Variants in SIGLEC1 observed in about 807,000 individuals in gnomAD.
The protein encoded by SIGLEC1 is sialic acid binding Ig like lectin 1, also known as sialoadhesin.
Under a neutral mutation model 148.0 loss-of-function variants are expected in SIGLEC1, and 132 were observed. That is an observed-to-expected ratio of 0.89 (90% CI 0.77 to 1.03). SIGLEC1 has a LOEUF of 1.03. SIGLEC1 is among the 50% of genes least tolerant of loss of function. The pLI is 0.00. For synonymous variants in SIGLEC1, 945 were observed against 969.0 expected (o/e 0.98, Z 0.46); for missense variants, 2,253 against 2,271.4 (o/e 0.99, Z 0.16).
chr20:3,705,245 C>T (rs1444753687), intron 4 of SIGLEC1, among the ~76,000 whole-genome samples: 10 of 152,308 alleles, frequency 6.6e-5, no homozygotes, highest in Admixed American at 5.2e-4. Flanking sequence ...GATCCACCCG[C>T]CTCAGCCTCC....
In SIGLEC1 at chr20:3,693,613, C is replaced by T. The variant is rs769459794; in HGVS notation, c.3342G>A (p.Pro1114=). Residue 1114 remains proline (P), a synonymous_variant, in exon 14 of 22, where the codon CCG becomes CCA. Coordinates refer to ENST00000344754, the MANE Select transcript of SIGLEC1 (RefSeq NM_023068.4). ...NLTCLVWTTH[P]AQLTYTWYQD... ...GGTACCATGTGTAGGTGAGCTGGGC[C>T]GGGTGAGTGGTCCACACAAGGCAGG... 1.7e-5 allele frequency: 28 copies of T among 1,612,658 alleles called. No individual in the cohort carries two copies. Among genetic ancestry groups the T allele is most frequent in the Admixed American group, 5.0e-5 (3 of 59,960 alleles).
chr20:3,694,281 T>G lies in SIGLEC1; in HGVS notation c.3196A>C (p.Ile1066Leu). The change falls in exon 13 of 22, where the codon ATC becomes CTC. Residue 1066 changes from isoleucine to leucine, a missense_variant. Ile to Leu is a conservative substitution (Grantham distance 5). Coordinates refer to ENST00000344754, the MANE Select transcript of SIGLEC1 (RefSeq NM_023068.4). Reference protein sequence around the residue: ...GAMLEDEGVYICEASNTLGQA... With the variant: ...GAMLEDEGVYLCEASNTLGQA... Reference sequence around the variant, plus strand: ...CCCAGGGTGTTGGAGGCCTCACAGATATAGACACCCTCATCCTCCAGCATA... The same window carrying G: ...CCCAGGGTGTTGGAGGCCTCACAGAGATAGACACCCTCATCCTCCAGCATA... The G allele has an allele frequency of 6.2e-7, 1 of 1,612,616 alleles. No individual in the cohort carries two copies.
At position 3,710,644 on chromosome 20, in the gene SIGLEC1, G is replaced by A. The variant is rs891166537; in HGVS notation, c.-110+1826C>T. ...CTGGCCACAGGGGATGTCAGGGTCA[G>A]CTCTGCTATGGCCAGGGCAGCTATC... is the stretch of plus-strand genomic sequence containing the variant. On this transcript the variant is annotated intron_variant, in intron 1 of 21. Coordinates refer to ENST00000344754, the MANE Select transcript of SIGLEC1 (RefSeq NM_023068.4). This position sits in a 1 kb window ranked among gnomAD's most constrained non-coding sequence, Gnocchi z 4.6. Among the ~76,000 whole-genome samples the A allele has an allele frequency of 1.7e-4, 26 of 152,286 alleles. No homozygotes were observed. The highest frequency in any genetic ancestry group is 5.8e-4 in the African/African-American group (24 of 41,570).
rs146622004 is a variant in SIGLEC1, at chr20:3,698,022, C to T, written c.1898G>A (p.Arg633Lys). Reference sequence around the variant, plus strand: ...ACGGTCCTTGTGGAGCAGCTGCAGCCTGGCGGGGGGGTCGCTGTCCACACG... The same window carrying T: ...ACGGTCCTTGTGGAGCAGCTGCAGCTTGGCGGGGGGGTCGCTGTCCACACG... ...LCRVDSDPPA[R>K]LQLLHKDRVV... The change falls in exon 9 of 22, where the codon AGG (arginine) becomes AAG (lysine). Residue 633 changes from arginine to lysine, a missense_variant. Physicochemically the swap from Arg to Lys is conservative, Grantham distance 26. Transcript: ENST00000344754. The T allele has an allele frequency of 5.7e-5, 91 of 1,609,386 alleles. No homozygotes were observed. In the African/African-American group the frequency reaches 1.2e-3, roughly 21 times the overall value.
intron 16 of SIGLEC1, 90 bp downstream of exon 16, chr20:3,692,431 C>CT: frequency 7.0e-7 from 1 of 1,420,520 alleles, no homozygotes; most frequent in Non-Finnish European, 9.3e-7. Flanking sequence ...CCTGGGCCCA[C>CT]TGCAGTCCTT....
chr20:3,693,551 G>T lies in SIGLEC1; in HGVS notation c.3404C>A (p.Pro1135His). 1 of 1,612,666 alleles carries T rather than the reference G, an allele frequency of 6.2e-7. No individual in the cohort carries two copies. The highest frequency in any genetic ancestry group is 8.5e-7 in the Non-Finnish European group (1 of 1,179,560). ...ATCCCTGACTGTGACGTTGGGCAGG[G>T]GGATGGAGTGGGCATCCAGGCGCTG... ...GQQRLDAHSI[P>H]LPNVTVRDAT... is the part of the protein sequence containing the mutation. Residue 1135 changes from proline (P) to histidine (H), a missense_variant, in exon 14 of 22, where the codon CCC becomes CAC. By Grantham distance (77) the Pro-to-His change is moderately conservative. Coordinates refer to ENST00000344754, the MANE Select transcript of SIGLEC1 (RefSeq NM_023068.4).
chr20:3,689,973 AAGTAGGTGGAGGT>A lies in SIGLEC1; in HGVS notation c.4870_4882del (p.Thr1624LeufsTer99). On this transcript the variant is annotated frameshift_variant, in exon 19 of 22. Coordinates refer to ENST00000344754, the MANE Select transcript of SIGLEC1 (RefSeq NM_023068.4). LOFTEE classifies it high-confidence loss of function. The stretch of plus-strand genomic sequence containing the variant: ...CCCCCTCCCCTCACCTCTGACCCCA[AAGTAGGTGGAGGT>A]AGAGGCAGAGCCCAGGACATTTGAG... 6.2e-7 allele frequency: 1 copy of A among 1,612,246 alleles called. No homozygotes were observed. The highest frequency in any genetic ancestry group is 8.5e-7 in the Non-Finnish European group (1 of 1,179,380).
At position 3,693,446 on chromosome 20, in the gene SIGLEC1, C is replaced by T; in HGVS notation, c.3508+1G>A. 1 of 1,566,078 alleles carries T rather than the reference C, an allele frequency of 6.4e-7. No individual in the cohort carries two copies. The highest frequency in any genetic ancestry group is 1.2e-5 in the South Asian group (1 of 84,010). ...CCCACCCTGCATCCAGCCAGACTCA[C>T]AGAGGACGTCCAAGGTGATAGGTCT... is the stretch of plus-strand genomic sequence containing the variant. On this transcript the variant is annotated splice_donor_variant, in intron 14 of 21. Transcript: ENST00000344754. LOFTEE classifies it high-confidence loss of function.
chr20:3,692,099 G>A lies in SIGLEC1; in HGVS notation c.4134C>T (p.Ala1378=), dbSNP rs34921899. Residue 1378 remains alanine, a synonymous_variant, in exon 17 of 22, where the codon GCC becomes GCT. Coordinates refer to ENST00000344754, the MANE Select transcript of SIGLEC1 (RefSeq NM_023068.4). ...TVDSEPPAEL[A]LSHDGKVLAT... ...CCAGCACCTTGCCATCATGAGATAG[G>A]GCCAGCTCAGCAGGTGGCTCACTGT... is the stretch of plus-strand genomic sequence containing the variant. The A allele has an allele frequency of 2.9e-3, 4,742 of 1,608,418 alleles. 125 individuals are homozygous for A. The African/African-American group carries it at 0.055, about 19-fold the overall frequency.
intron 19 of SIGLEC1, 126 bp downstream of exon 19, chr20:3,689,836 G>A: frequency 8.6e-7 from 1 of 1,167,852 alleles, no homozygotes; most frequent in Non-Finnish European, 1.2e-6. Flanking sequence ...GGTGCCCCGA[G>A]CAATCAGTTT....
At chr20:3,689,273 T>C in intron 20 of SIGLEC1, 46 bp from the exon 21 acceptor site, 1 of 1,519,772 alleles carries the variant, frequency 6.6e-7, no homozygotes, top group South Asian at 1.1e-5. Context: ...CCTCCCCACC[T>C]CCTGCCCCCA....
At chr20:3,691,036 G>A (rs955728412) in intron 18 of SIGLEC1, among the ~76,000 whole-genome samples, 11 of 151,958 alleles carry the variant, frequency 7.2e-5, no homozygotes, top group African/African-American at 2.7e-4. Context: ...TCGCCATATT[G>A]ACCAGGCTAG....
Position 3,693,636 on chromosome 20 carries a change from A to T in SIGLEC1, c.3319T>A (p.Cys1107Ser). 1 of 1,611,388 alleles carries T rather than the reference A, an allele frequency of 6.2e-7. No homozygotes were observed. The highest frequency in any genetic ancestry group is 8.5e-7 in the Non-Finnish European group (1 of 1,178,836). Residue 1107 changes from cysteine (C) to serine (S), a missense_variant, in exon 14 of 22, where the codon TGC becomes AGC. Transcript: ENST00000344754. ...VREGQLVNLT[C>S]LVWTTHPAQL... ...GCCGGGTGAGTGGTCCACACAAGGC[A>T]GGTCAGGTTCACCAGCTGCCCCTCC...
chr20:3,701,331 G>A lies in SIGLEC1; in HGVS notation c.1528+11C>T, dbSNP rs2087849156. 1.3e-6 allele frequency: 2 copies of A among 1,596,092 alleles called. No individual in the cohort carries two copies. On this transcript the variant is annotated intron_variant, in intron 7 of 21. Coordinates refer to ENST00000344754, the MANE Select transcript of SIGLEC1 (RefSeq NM_023068.4). Reference sequence around the variant, plus strand: ...CCCTCCACTCTCCCTGGCTGCCAGTGCCCATCTTACCATTGGCATGGAAGT... The same window carrying A: ...CCCTCCACTCTCCCTGGCTGCCAGTACCCATCTTACCATTGGCATGGAAGT...
Position 3,688,219 on chromosome 20 carries a change from T to C in SIGLEC1, c.*341A>G. ...CCTCTGAGGATGCAGGATGCTGCAA[T>C]CCAACCAAAGTCCAGGGTGACTTTC... is the stretch of plus-strand genomic sequence containing the variant. On this transcript the variant is annotated 3_prime_UTR_variant, in exon 22 of 22. Transcript: ENST00000344754. 1 of 361,458 alleles carries C rather than the reference T, an allele frequency of 2.8e-6. No homozygotes were observed. The highest frequency in any genetic ancestry group is 2.3e-5 in the South Asian group (1 of 43,820). The allele number at this position is 361,458 out of a possible 1,614,324, so 22.4% of individuals were successfully genotyped here. A position where few individuals can be genotyped will look rare whatever the true frequency, so the allele number is the denominator to read the frequency against.
At position 3,690,137 on chromosome 20, in the gene SIGLEC1, C is replaced by T. The variant is rs145523811; in HGVS notation, c.4719G>A (p.Val1573=). The T allele has an allele frequency of 7.5e-6, 12 of 1,605,002 alleles. No individual in the cohort carries two copies. Among genetic ancestry groups the T allele is most frequent in the African/African-American group, 1.3e-5 (1 of 74,752 alleles). The stretch of plus-strand genomic sequence containing the variant: ...GAGCACCCTGGGGCTGACTGGAGGC[C>T]ACCAGTCGACTGCCAAGGTGGAGAG... ...SLTLHLGSRL[V]ASSQPQGAPA... The change falls in exon 19 of 22, where the codon GTG becomes GTA. Residue 1573 remains valine, a synonymous_variant. Transcript: ENST00000344754.
At chr20:3,698,791 C>A (rs1395107237) in intron 8 of SIGLEC1, among the ~76,000 whole-genome samples, 1 of 152,240 alleles carries the variant, frequency 6.6e-6, no homozygotes, top group Non-Finnish European at 1.5e-5. Context: ...GGAGCCTCCC[C>A]GCTTGGCGGA....
chr20:3,701,391 G>A lies in SIGLEC1; in HGVS notation c.1479C>T (p.Ala493=). ...AGGTTGCATTTCCAAGGGAGTTGGT[G>A]GCTGAGCACTTGTACTCCCCACTGT... ...ETDSGEYKCS[A]TNSLGNATST... The change falls in exon 7 of 22, where the codon GCC becomes GCT. Residue 493 remains alanine (A), a synonymous_variant. Coordinates refer to ENST00000344754, the MANE Select transcript of SIGLEC1 (RefSeq NM_023068.4). The A allele has an allele frequency of 6.2e-7, 1 of 1,614,006 alleles. No individual in the cohort carries two copies. The highest frequency in any genetic ancestry group is 8.5e-7 in the Non-Finnish European group (1 of 1,179,892).
rs145054659 is a variant in SIGLEC1 at position 3,696,724 on chromosome 20, G to A, written c.2545C>T (p.Arg849Trp). Residue 849 changes from arginine (R) to tryptophan (W), a missense_variant, in exon 11 of 22, where the codon CGG (arginine) becomes TGG (tryptophan). Transcript: ENST00000344754. ...TTGGCCTCAGCTTTAGCCTGGAACC[G>A]ACCATGGGATGGGACCTGGGGACCC... ...SLGPQVPSHG[R>W]FQAKAEANSL... The A allele has an allele frequency of 5.6e-5, 90 of 1,613,530 alleles. No homozygotes were observed. Among genetic ancestry groups the A allele is most frequent in the Admixed American group, 4.3e-4 (26 of 60,006 alleles).
Sources: gnomAD v4.1 joint callset for allele counts (sites outside exome capture counted in the v4.1 genomes callset) on GRCh38, gnomAD v4.1.1 for gene constraint, Gnocchi (gnomAD v3.1) non-coding constraint, MANE v1.5 for transcripts, NCBI Gene and HGNC (gene_info 2026-07-23, HGNC 2026-07-21) for gene names.